The following SMIM3 variants were observed in gnomAD, a reference collection of about 807,000 sequenced individuals.
SMIM3 encodes the protein NGF-induced differentiation clone 67 protein.
In SMIM3, 4 loss-of-function variants were observed where a neutral mutation model predicts 2.1. The ratio of observed to expected loss-of-function variants is 1.89; its 90% CI spans 0.93 to 4.31. SMIM3 has a LOEUF of 4.31. SMIM3 is among the 30% of genes most tolerant of loss of function. The pLI, the probability that SMIM3 is intolerant of heterozygous loss-of-function variation, is 0.01. For missense variants in SMIM3, 79 were observed against 77.7 expected (o/e 1.02, Z -0.06); for synonymous variants, 29 against 30.8 (o/e 0.94, Z 0.19).
intron 1 of SMIM3, among the ~76,000 whole-genome samples, chr5:150,782,204 A>G (rs1474179409): frequency 6.6e-6 from 1 of 152,172 alleles, no homozygotes; most frequent in Non-Finnish European, 1.5e-5. Context: ...TGTCCTGTCC[A>G]TTCCTTCCTC....
intron 1 of SMIM3, among the ~76,000 whole-genome samples, chr5:150,779,192 G>T (rs777494010): frequency 2.0e-5 from 3 of 152,030 alleles, no homozygotes; most frequent in Non-Finnish European, 2.9e-5. Context: ...GAGCCTCCTA[G>T]TGCACAGAAT....
At chr5:150,784,287 C>T (rs1315550754) in intron 1 of SMIM3, among the ~76,000 whole-genome samples, 3 of 152,254 alleles carry the variant, frequency 2.0e-5, no homozygotes, top group Middle Eastern at 6.8e-3. Flanking sequence ...GAAGTGGTTA[C>T]AATTATTAGT....
At chr5:150,785,987 C>A (rs10463237) in intron 1 of SMIM3, among the ~76,000 whole-genome samples, 22,053 of 151,952 alleles carry the variant, frequency 0.15, 2,870 homozygotes, top group African/African-American at 0.34. Flanking sequence ...GTTTTGGAAA[C>A]TTCTGTTATT....
chr5:150,782,832 C>A (rs909688418), intron 1 of SMIM3, among the ~76,000 whole-genome samples: 1 of 152,178 alleles, frequency 6.6e-6, no homozygotes, highest in South Asian at 2.1e-4. Context: ...TCATTGATTT[C>A]ATATTTGTTG....
chr5:150,782,520 TC>T (rs1411736409), intron 1 of SMIM3, among the ~76,000 whole-genome samples: 1 of 152,154 alleles, frequency 6.6e-6, no homozygotes, highest in Non-Finnish European at 1.5e-5. Context: ...TTTGAGCTTA[TC>T]GGCCCAAGCA....
chr5:150,783,914 CTTTT>C (rs557905770), intron 1 of SMIM3, among the ~76,000 whole-genome samples: 26 of 124,324 alleles, frequency 2.1e-4, no homozygotes, highest in Admixed American at 4.0e-4. Context: ...TTTGAACTCC[CTTTT>C]TTTTTTTTTT....
intron 1 of SMIM3, among the ~76,000 whole-genome samples, chr5:150,794,081 A>G (rs1452353310): frequency 2.0e-5 from 3 of 152,234 alleles, no homozygotes; most frequent in Non-Finnish European, 2.9e-5. Context: ...GATCAACATC[A>G]CTAATGATCA....
chr5:150,792,736 C>T (rs1194680895), intron 1 of SMIM3, among the ~76,000 whole-genome samples: 1 of 152,086 alleles, frequency 6.6e-6, no homozygotes, highest in Non-Finnish European at 1.5e-5. Flanking sequence ...GAATTAAAAT[C>T]TCACTATATT....
At chr5:150,794,757 C>A (rs972728955) in intron 1 of SMIM3, among the ~76,000 whole-genome samples, 14 of 152,194 alleles carry the variant, frequency 9.2e-5, no homozygotes, top group Non-Finnish European at 2.1e-4. Flanking sequence ...TTTTTAACAG[C>A]ACCCTAGGTC....
intron 1 of SMIM3, among the ~76,000 whole-genome samples, chr5:150,789,802 G>A (rs942407720): frequency 6.6e-6 from 1 of 152,160 alleles, no homozygotes; most frequent in African/African-American, 2.4e-5. Flanking sequence ...CATATGTGAA[G>A]GGGGTGGGCA....
intron 1 of SMIM3, among the ~76,000 whole-genome samples, chr5:150,785,571 ATTTC>A (rs1753282351): frequency 9.3e-6 from 1 of 107,020 alleles, no homozygotes; most frequent in Non-Finnish European, 1.8e-5. Context: ...GATTTACTAT[ATTTC>A]TTTTCTTTTT....
intron 1 of SMIM3, among the ~76,000 whole-genome samples, chr5:150,793,441 C>G (rs1206885706): frequency 6.6e-6 from 1 of 152,100 alleles, no homozygotes; most frequent in Non-Finnish European, 1.5e-5. Flanking sequence ...GCCATAGTCA[C>G]CAAAATAGTA....
intron 1 of SMIM3, among the ~76,000 whole-genome samples, chr5:150,779,829 A>AGC (rs1753212584): frequency 2.7e-5 from 3 of 111,022 alleles, no homozygotes; most frequent in Middle Eastern, 4.3e-3. Context: ...GAAAGGTGTA[A>AGC]CCCCCCCCGC....
intron 1 of SMIM3, among the ~76,000 whole-genome samples, chr5:150,794,514 G>A (rs563633157): frequency 6.6e-6 from 1 of 152,354 alleles, no homozygotes; most frequent in Non-Finnish European, 1.5e-5. Context: ...AACAGCATTT[G>A]CAGTGACCTG....
At chr5:150,780,960 G>T (rs1035318630) in intron 1 of SMIM3, among the ~76,000 whole-genome samples, 1 of 152,120 alleles carries the variant, frequency 6.6e-6, no homozygotes, top group Non-Finnish European at 1.5e-5. Flanking sequence ...ATGTTATAAT[G>T]ATCATACTTG....
chr5:150,795,336 GTGACCCAGGCTTC>G, intron 1 of SMIM3, 81 bp from the exon 2 acceptor site: 2 of 1,309,580 alleles, frequency 1.5e-6, no homozygotes, highest in Non-Finnish European at 2.2e-6. Context: ...TATCTGGTAA[GTGACCCAGGCTTC>G]TGACTCCTGA....
At chr5:150,779,658 G>T (rs140152642) in intron 1 of SMIM3, among the ~76,000 whole-genome samples, 2 of 152,316 alleles carry the variant, frequency 1.3e-5, no homozygotes, top group East Asian at 3.9e-4. Flanking sequence ...TGAGGACGTA[G>T]TTGTTCCAGT....
At chr5:150,790,475 G>A (rs1753338686) in intron 1 of SMIM3, among the ~76,000 whole-genome samples, 1 of 152,092 alleles carries the variant, frequency 6.6e-6, no homozygotes, top group Non-Finnish European at 1.5e-5. Context: ...TTAGACCTTG[G>A]GGAAAGTTAC....
At chr5:150,781,633 T>TTGG (rs569322134) in intron 1 of SMIM3, among the ~76,000 whole-genome samples, 2 of 152,016 alleles carry the variant, frequency 1.3e-5, no homozygotes, top group African/African-American at 2.4e-5. Context: ...ATAGATGTCT[T>TTGG]TGGTGGTGGT....
Sources: gnomAD v4.1 joint callset for allele counts (sites outside exome capture counted in the v4.1 genomes callset) on GRCh38, gnomAD v4.1.1 for gene constraint, MANE v1.5 for transcripts, NCBI Gene and HGNC (gene_info 2026-07-23, HGNC 2026-07-21) for gene names.